The following EEPD1 variants were observed in gnomAD, a reference collection of about 807,000 sequenced individuals.
The protein encoded by EEPD1 is endonuclease/exonuclease/phosphatase family domain-containing protein 1.
In EEPD1, 17 loss-of-function variants were observed where a neutral mutation model predicts 46.3. That is an observed-to-expected ratio of 0.37 (90% CI 0.25 to 0.55). The LOEUF is 0.55. Among genes scored for constraint, EEPD1 ranks in the 20% least tolerant of loss-of-function variants. The probability of loss-of-function intolerance (pLI) is 0.83; values close to 1 mark genes in which losing one functional copy is unlikely to be tolerated. For missense variants in EEPD1, 673 were observed against 745.6 expected, an observed-to-expected ratio of 0.90 and a Z score of 1.13; for synonymous variants, 313 against 315.6, an observed-to-expected ratio of 0.99 and a Z score of 0.09.
At position 36,284,753 on chromosome 7, in the gene EEPD1, A is replaced by G; in HGVS notation, c.1109A>G (p.Gln370Arg). ...AGMELRDAGS[Q>R]ESSPSNGHGK... is the part of the protein sequence containing the mutation. ...ATGGAGCTGAGAGACGCGGGTTCAC[A>G]GGAGAGCTCGCCAAGCAACGGGCAC... The change falls in exon 5 of 8, where the codon CAG becomes CGG. Residue 370 changes from glutamine (Q) to arginine (R), a missense_variant. Gln to Arg is a conservative substitution (Grantham distance 43). Transcript: ENST00000242108. The G allele has an allele frequency of 6.2e-7, 1 of 1,604,682 alleles. No individual in the cohort carries two copies.
At chr7:36,157,616 G>A (rs543685688) in intron 2 of EEPD1, among the ~76,000 whole-genome samples, 15 of 152,350 alleles carry the variant, frequency 9.8e-5, no homozygotes, top group Middle Eastern at 3.4e-3. Context: ...AAGGTGACCC[G>A]CACCGTCACA....
At chr7:36,164,463 G>C (rs1784948891) in intron 2 of EEPD1, among the ~76,000 whole-genome samples, 1 of 152,224 alleles carries the variant, frequency 6.6e-6, no homozygotes, top group African/African-American at 2.4e-5. Flanking sequence ...GTTTTACAAA[G>C]GGAATGGGGA....
intron 2 of EEPD1, among the ~76,000 whole-genome samples, chr7:36,188,634 C>T (rs1441981970): frequency 6.6e-6 from 1 of 152,078 alleles, no homozygotes; most frequent in Non-Finnish European, 1.5e-5. Flanking sequence ...AATCAAATTC[C>T]ATAACAATAA....
chr7:36,241,562 C>G (rs1342932403), intron 3 of EEPD1, among the ~76,000 whole-genome samples: 1 of 152,044 alleles, frequency 6.6e-6, no homozygotes, highest in Non-Finnish European at 1.5e-5. Context: ...AATAAAAATG[C>G]AGGTGCCAAA....
At chr7:36,190,532 T>G (rs1785444221) in intron 2 of EEPD1, among the ~76,000 whole-genome samples, 1 of 152,216 alleles carries the variant, frequency 6.6e-6, no homozygotes, top group Admixed American at 6.5e-5. Context: ...TGCCTGACTT[T>G]TCAAAGCTGC....
At chr7:36,271,798 CCTATTCTATTCTATTCTATTCTATT>C (rs60205065) in intron 3 of EEPD1, among the ~76,000 whole-genome samples, 1,713 of 132,424 alleles carry the variant, frequency 0.013, 25 homozygotes, top group Middle Eastern at 0.015. Context: ...ACATAAGCCT[CCTATTCTATTCTATTCTATTCTATT>C]CTATTCTATT....
intron 3 of EEPD1, among the ~76,000 whole-genome samples, chr7:36,274,265 T>C (rs1445888969): frequency 6.6e-6 from 1 of 152,162 alleles, no homozygotes; most frequent in Non-Finnish European, 1.5e-5. Flanking sequence ...TTACATCCAG[T>C]GTGTGAGCTC....
intron 3 of EEPD1, among the ~76,000 whole-genome samples, chr7:36,241,638 G>A (rs1408035131): frequency 3.9e-5 from 6 of 151,918 alleles, no homozygotes; most frequent in Non-Finnish European, 5.9e-5. Context: ...AGGCTGAGGC[G>A]GGTGGATCAT....
At chr7:36,283,048 C>T (rs1367417780) in intron 4 of EEPD1, among the ~76,000 whole-genome samples, 2 of 152,314 alleles carry the variant, frequency 1.3e-5, no homozygotes, top group East Asian at 3.9e-4. Context: ...CCCCAGCTCC[C>T]TAGGGCTTAC....
At chr7:36,185,685 A>G (rs146646713) in intron 2 of EEPD1, among the ~76,000 whole-genome samples, 49 of 152,278 alleles carry the variant, frequency 3.2e-4, no homozygotes, top group African/African-American at 1.1e-3. Flanking sequence ...CAAATCATGC[A>G]TCCTAAGTTA....
intron 2 of EEPD1, among the ~76,000 whole-genome samples, chr7:36,169,519 A>G (rs1321983388): frequency 1.3e-5 from 2 of 152,172 alleles, no homozygotes; most frequent in African/African-American, 4.8e-5. Flanking sequence ...TTTATTGGTT[A>G]TTTGTATATC....
At chr7:36,199,866 G>T (rs1028068275) in intron 2 of EEPD1, among the ~76,000 whole-genome samples, 2 of 152,138 alleles carry the variant, frequency 1.3e-5, no homozygotes, top group East Asian at 1.9e-4. Flanking sequence ...ATGGACTGTC[G>T]TGAGCTCCCC....
intron 3 of EEPD1, among the ~76,000 whole-genome samples, chr7:36,245,056 C>G (rs1786615254): frequency 6.6e-6 from 1 of 152,090 alleles, no homozygotes; most frequent in African/African-American, 2.4e-5. Flanking sequence ...AGCAATTCTC[C>G]TGCCTCAGCC....
intron 2 of EEPD1, among the ~76,000 whole-genome samples, chr7:36,202,250 G>A (rs1429787799): frequency 6.6e-6 from 1 of 152,178 alleles, no homozygotes; most frequent in Non-Finnish European, 1.5e-5. Flanking sequence ...ATCATTCCCT[G>A]TCAGGCCCTT....
rs1786210080 is a variant in EEPD1, at chr7:36,225,005, G to A, written c.879-13980G>A. Among the ~76,000 whole-genome samples, 1 of 151,996 alleles carries A rather than the reference G, an allele frequency of 6.6e-6. No individual in the cohort carries two copies. Among genetic ancestry groups the A allele is most frequent in the Non-Finnish European group, 1.5e-5 (1 of 68,002 alleles). On this transcript the variant is annotated intron_variant, in intron 2 of 7. Coordinates refer to ENST00000242108, the MANE Select transcript of EEPD1 (RefSeq NM_030636.3). This position sits in a 1 kb window ranked among gnomAD's most constrained non-coding sequence, Gnocchi z 4.2. The stretch of plus-strand genomic sequence containing the variant: ...AGCGACATGACCATGGCGACAGACT[G>A]GAGTGATGAGGCCAAAAACAAGGAA...
At chr7:36,205,742 C>T (rs562846548) in intron 2 of EEPD1, among the ~76,000 whole-genome samples, 9 of 152,204 alleles carry the variant, frequency 5.9e-5, no homozygotes, top group Middle Eastern at 6.8e-3. Flanking sequence ...AAGTGAGCAG[C>T]GAGGTGGGGA....
chr7:36,197,722 C>G (rs1407056246), intron 2 of EEPD1, among the ~76,000 whole-genome samples: 5 of 151,900 alleles, frequency 3.3e-5, no homozygotes, highest in Admixed American at 6.6e-5. Context: ...GCAGCATGCT[C>G]GTTAAGAGTC....
intron 2 of EEPD1, among the ~76,000 whole-genome samples, chr7:36,217,705 ACT>A (rs1173419763): frequency 1.4e-4 from 22 of 152,182 alleles, no homozygotes; most frequent in African/African-American, 5.3e-4. Context: ...ATTGTAAACA[ACT>A]CCCTGCCCAG....
At chr7:36,293,913 G>A (rs964974945) in intron 6 of EEPD1, among the ~76,000 whole-genome samples, 8 of 151,700 alleles carry the variant, frequency 5.3e-5, no homozygotes, top group African/African-American at 1.9e-4. Context: ...GTAGTGAGCC[G>A]AGATCGTGCC....
Sources: allele counts gnomAD v4.1 joint callset (sites outside exome capture counted in the v4.1 genomes callset), GRCh38; gene constraint gnomAD v4.1.1; non-coding constraint Gnocchi (gnomAD v3.1); transcripts MANE v1.5; gene names NCBI Gene and HGNC (gene_info 2026-07-23, HGNC 2026-07-21).